SAMD5: variants seen among roughly 807,000 people sequenced by gnomAD.
SAMD5 encodes the protein sterile alpha motif domain containing 5, also known as sterile alpha motif domain-containing protein 5.
SAMD5 carries 13 observed loss-of-function variants against 11.3 expected under a neutral mutation model. The observed-to-expected ratio is 1.15, with a 90% CI of 0.75 to 1.83. The LOEUF (loss-of-function observed/expected upper bound fraction) is 1.83, where lower values mean the gene tolerates loss of function less well. Among genes scored for constraint, SAMD5 ranks in the 40% most tolerant of loss-of-function variants. SAMD5 has a pLI of 0.00. For missense variants in SAMD5, 255 were observed against 239.1 expected (o/e 1.07, Z -0.44); for synonymous variants, 129 against 111.3 (o/e 1.16, Z -1.00).
chr6:147,722,659 C>G (rs1236480763), intron 1 of SAMD5, among the ~76,000 whole-genome samples: 3 of 152,158 alleles, frequency 2.0e-5, no homozygotes, highest in South Asian at 2.1e-4. Context: ...AGGCCTCTCC[C>G]CTAAGCAGGA....
intron 1 of SAMD5, among the ~76,000 whole-genome samples, chr6:147,662,152 A>T (rs1212653723): frequency 2.0e-5 from 3 of 151,026 alleles, no homozygotes; most frequent in Admixed American, 6.6e-5. Context: ...ACTGGTGAGC[A>T]TGTTTCTTTG....
At chr6:147,655,696 G>A (rs988355136) in intron 1 of SAMD5, among the ~76,000 whole-genome samples, 12 of 152,258 alleles carry the variant, frequency 7.9e-5, no homozygotes, top group African/African-American at 2.9e-4. Flanking sequence ...CAGAGAGGTT[G>A]CAAACTCTTC....
the SAMD5 span, among the ~76,000 whole-genome samples, chr6:147,781,156 T>G: frequency 6.8e-6 from 1 of 147,270 alleles, no homozygotes; most frequent in Non-Finnish European, 1.5e-5. Context: ...TGGTTTTGGA[T>G]TTGTTTTTTT....
At chr6:147,795,781 C>T in the SAMD5 span, among the ~76,000 whole-genome samples, 9 of 149,588 alleles carry the variant, frequency 6.0e-5, no homozygotes, top group African/African-American at 2.2e-4. Flanking sequence ...GATGGTATCT[C>T]ATTGTGGTTT....
intron 1 of SAMD5, among the ~76,000 whole-genome samples, chr6:147,591,363 C>T (rs1487924431): frequency 6.6e-6 from 1 of 152,164 alleles, no homozygotes; most frequent in Non-Finnish European, 1.5e-5. Flanking sequence ...CCCTCACGTG[C>T]CCAGCACGGG....
At chr6:147,716,178 C>CA (rs1021319584) in intron 1 of SAMD5, among the ~76,000 whole-genome samples, 4 of 152,216 alleles carry the variant, frequency 2.6e-5, no homozygotes, top group Non-Finnish European at 4.4e-5. Context: ...TTGCCCTTAG[C>CA]ACCACCTCGG....
At chr6:147,768,502 A>C in the SAMD5 span, among the ~76,000 whole-genome samples, 1 of 152,100 alleles carries the variant, frequency 6.6e-6, no homozygotes, top group Non-Finnish European at 1.5e-5. Flanking sequence ...CGTCTCAAAC[A>C]AAACAAAACA....
the SAMD5 span, among the ~76,000 whole-genome samples, chr6:147,819,588 G>A: frequency 2.0e-5 from 3 of 152,210 alleles, no homozygotes; most frequent in Non-Finnish European, 4.4e-5. Context: ...ATTCCCAAGT[G>A]AGTTTTAACA....
the SAMD5 span, among the ~76,000 whole-genome samples, chr6:147,934,741 T>G: frequency 1.3e-5 from 2 of 152,054 alleles, no homozygotes; most frequent in African/African-American, 4.8e-5. Flanking sequence ...TCCCTCAGGC[T>G]CTCATGGGGA....
chr6:147,748,582 G>T, the SAMD5 span, among the ~76,000 whole-genome samples: 5 of 152,100 alleles, frequency 3.3e-5, no homozygotes, highest in Non-Finnish European at 7.4e-5. Context: ...AAGACTAATT[G>T]TTCTCCTTCA....
the SAMD5 span, among the ~76,000 whole-genome samples, chr6:147,840,917 G>A: frequency 6.6e-6 from 1 of 152,214 alleles, no homozygotes; most frequent in Non-Finnish European, 1.5e-5. Context: ...ATTCGAGCAT[G>A]GAGCTGGGAA....
intron 1 of SAMD5, among the ~76,000 whole-genome samples, chr6:147,720,190 T>A (rs1471704456): frequency 6.6e-6 from 1 of 152,106 alleles, no homozygotes; most frequent in African/African-American, 2.4e-5. Context: ...AAACCTTCCA[T>A]GGTCTCCACG....
At chr6:147,693,691 C>A (rs146038531) in intron 1 of SAMD5, among the ~76,000 whole-genome samples, 1,554 of 152,244 alleles carry the variant, frequency 0.01, 26 homozygotes, top group African/African-American at 0.036. Context: ...TGGGGCCGGG[C>A]GCGGTGGCTC....
the SAMD5 span, among the ~76,000 whole-genome samples, chr6:147,863,838 C>CTTTTTT: frequency 3.3e-5 from 3 of 90,874 alleles, no homozygotes; most frequent in Non-Finnish European, 4.3e-5. Context: ...TTTCTTTCCA[C>CTTTTTT]TTTTTTTTTT....
chr6:147,919,525 A>G, the SAMD5 span, among the ~76,000 whole-genome samples: 1 of 152,208 alleles, frequency 6.6e-6, no homozygotes, highest in Non-Finnish European at 1.5e-5. Flanking sequence ...AAACATGGCA[A>G]AGATTCATTG....
At chr6:147,665,500 G>T (rs544620952) in intron 1 of SAMD5, among the ~76,000 whole-genome samples, 6 of 152,224 alleles carry the variant, frequency 3.9e-5, no homozygotes, top group Non-Finnish European at 7.3e-5. Context: ...GACAGGAGAT[G>T]AGTGAAGACC....
chr6:147,745,420 T>A, the SAMD5 span, among the ~76,000 whole-genome samples: 1 of 152,212 alleles, frequency 6.6e-6, no homozygotes, highest in Non-Finnish European at 1.5e-5. Context: ...ATTTACAGAG[T>A]GCTTTAGATG....
chr6:147,701,507 G>A (rs548007556), intron 1 of SAMD5, among the ~76,000 whole-genome samples: 11 of 151,960 alleles, frequency 7.2e-5, no homozygotes, highest in Non-Finnish European at 1.0e-4. Context: ...GGTGACACGC[G>A]CCTGTAATCC....
intron 1 of SAMD5, among the ~76,000 whole-genome samples, chr6:147,708,468 A>G (rs954601986): frequency 6.6e-6 from 1 of 152,178 alleles, no homozygotes; most frequent in Non-Finnish European, 1.5e-5. Context: ...AATGAATACA[A>G]CTTACCTTAC....
Sources: allele counts gnomAD v4.1 joint callset (sites outside exome capture counted in the v4.1 genomes callset), GRCh38; gene constraint gnomAD v4.1.1; transcripts MANE v1.5; gene names NCBI Gene and HGNC (gene_info 2026-07-23, HGNC 2026-07-21).